ZNF469: variants seen among roughly 807,000 people sequenced by gnomAD.
ZNF469 encodes the protein zinc finger protein 469.
A neutral mutation model predicts 1.0 loss-of-function variants in ZNF469; 1 was observed. That is an observed-to-expected ratio of 1.00 (90% confidence interval 0.35 to 4.73). The LOEUF is 4.73. ZNF469 is among the 30% of genes most tolerant of loss of function. ZNF469 has a pLI of 0.16. For synonymous variants in ZNF469, 2,703 were observed against 2,363.4 expected (o/e 1.14, Z -4.17); for missense variants, 6,100 against 5,356.3 (o/e 1.14, Z -4.33).
At chr16:88,132,708 G>A in the ZNF469 span, among the ~76,000 whole-genome samples, 1 of 152,220 alleles carries the variant, frequency 6.6e-6, no homozygotes, top group African/African-American at 2.4e-5. Context: ...GGAGACATAA[G>A]TGCGGCTCTC....
the ZNF469 span, among the ~76,000 whole-genome samples, chr16:88,321,247 G>A: frequency 2.0e-5 from 3 of 152,262 alleles, no homozygotes; most frequent in South Asian, 2.1e-4. Flanking sequence ...TCTGAAATCC[G>A]TAGGGCAGGC....
the ZNF469 span, among the ~76,000 whole-genome samples, chr16:88,237,754 C>T: frequency 5.3e-5 from 6 of 114,082 alleles, no homozygotes; most frequent in African/African-American, 1.7e-4. Flanking sequence ...CCTCCCTGCC[C>T]TCCTTGCTCC....
At chr16:88,192,443 C>G in the ZNF469 span, among the ~76,000 whole-genome samples, 3 of 152,108 alleles carry the variant, frequency 2.0e-5, no homozygotes, top group Non-Finnish European at 4.4e-5. Context: ...AGATGACATG[C>G]GGTAATAAGG....
the ZNF469 span, among the ~76,000 whole-genome samples, chr16:88,269,380 C>T: frequency 6.6e-6 from 1 of 152,020 alleles, no homozygotes; most frequent in Non-Finnish European, 1.5e-5. Context: ...GGTGGGTGCA[C>T]CCTGGCGGCC....
the ZNF469 span, among the ~76,000 whole-genome samples, chr16:88,324,302 C>G: frequency 6.6e-6 from 1 of 152,376 alleles, no homozygotes; most frequent in African/African-American, 2.4e-5. Context: ...GGTCCAGATT[C>G]AAAGGCAGAG....
the ZNF469 span, among the ~76,000 whole-genome samples, chr16:88,185,435 CAT>C: frequency 6.6e-6 from 1 of 152,130 alleles, no homozygotes; most frequent in Admixed American, 6.5e-5. Context: ...AATAGAAACA[CAT>C]GCATACACAC....
the ZNF469 span, among the ~76,000 whole-genome samples, chr16:88,185,388 AACAC>A: frequency 1.9e-3 from 288 of 152,162 alleles, 1 homozygote; most frequent in African/African-American, 6.5e-3. Context: ...GTGTGCAGAG[AACAC>A]ACACACATTT....
chr16:88,147,505 G>A, the ZNF469 span, among the ~76,000 whole-genome samples: 58 of 152,226 alleles, frequency 3.8e-4, no homozygotes, highest in African/African-American at 1.3e-3. Flanking sequence ...CAGGGGTGTG[G>A]GTGGGAGCCA....
chr16:88,400,372 C>T (rs1324843541), intron 1 of ZNF469, among the ~76,000 whole-genome samples: 1 of 152,222 alleles, frequency 6.6e-6, no homozygotes, highest in African/African-American at 2.4e-5. Context: ...AGGACAACGG[C>T]TCCATTTTCC....
chr16:88,357,626 AG>A, the ZNF469 span, among the ~76,000 whole-genome samples: 1 of 152,062 alleles, frequency 6.6e-6, no homozygotes, highest in Non-Finnish European at 1.5e-5. Flanking sequence ...AGAGGGGAAG[AG>A]GGGGGGCCCG....
the ZNF469 span, among the ~76,000 whole-genome samples, chr16:88,359,481 G>C: frequency 6.6e-6 from 1 of 152,220 alleles, no homozygotes; most frequent in African/African-American, 2.4e-5. Context: ...GAGTCATTTG[G>C]TTTGTGTGGG....
the ZNF469 span, among the ~76,000 whole-genome samples, chr16:88,310,919 C>G: frequency 6.6e-6 from 1 of 152,166 alleles, no homozygotes; most frequent in Non-Finnish European, 1.5e-5. Context: ...TCTCACGGTG[C>G]CTTTGTTGTC....
the ZNF469 span, among the ~76,000 whole-genome samples, chr16:88,355,814 G>A: frequency 1.3e-5 from 2 of 152,318 alleles, no homozygotes; most frequent in Admixed American, 6.5e-5. Flanking sequence ...GGATGGACCT[G>A]GACCCGAAAG....
the ZNF469 span, among the ~76,000 whole-genome samples, chr16:88,133,752 T>C: frequency 0.18 from 26,727 of 152,134 alleles, 2,788 homozygotes; most frequent in East Asian, 0.48. Context: ...GTGTTTTGAA[T>C]ATTGGAAATA....
chr16:88,416,845 C>T (rs964141787), intron 1 of ZNF469, among the ~76,000 whole-genome samples: 3 of 152,194 alleles, frequency 2.0e-5, no homozygotes, highest in Admixed American at 6.5e-5. Context: ...GCTCGCTCCC[C>T]GGGAGGGGTA....
chr16:88,149,639 C>T, the ZNF469 span, among the ~76,000 whole-genome samples: 2 of 152,092 alleles, frequency 1.3e-5, no homozygotes, highest in East Asian at 1.9e-4. Context: ...CACTGAAGAA[C>T]CCCCCGCACC....
chr16:88,274,031 C>T, the ZNF469 span, among the ~76,000 whole-genome samples: 1 of 152,146 alleles, frequency 6.6e-6, no homozygotes, highest in Non-Finnish European at 1.5e-5. Flanking sequence ...TCTCGATCTC[C>T]TGACCTCGTG....
intron 1 of ZNF469, among the ~76,000 whole-genome samples, chr16:88,385,463 C>G (rs1422476915): frequency 1.3e-5 from 2 of 151,636 alleles, no homozygotes; most frequent in Non-Finnish European, 2.9e-5. Context: ...TAGTGAGACC[C>G]CATCTCTACT....
the ZNF469 span, among the ~76,000 whole-genome samples, chr16:88,227,022 C>T: frequency 1.3e-5 from 2 of 149,112 alleles, no homozygotes; most frequent in African/African-American, 4.9e-5. Context: ...GCGCCGGGGC[C>T]TGCGCGTTTC....
Sources: allele counts gnomAD v4.1 joint callset (sites outside exome capture counted in the v4.1 genomes callset), GRCh38; gene constraint gnomAD v4.1.1; transcripts MANE v1.5; gene names NCBI Gene and HGNC (gene_info 2026-07-23, HGNC 2026-07-21).